Variants in UTP20 observed in about 807,000 individuals in gnomAD.
UTP20 encodes the protein UTP20 small subunit processome component.
A neutral mutation model predicts 329.5 loss-of-function variants in UTP20; 164 were observed. That is an observed-to-expected ratio of 0.50 (90% confidence interval 0.44 to 0.57). The LOEUF (loss-of-function observed/expected upper bound fraction) is 0.57. Among genes scored for constraint, UTP20 ranks in the 20% least tolerant of loss-of-function variants. UTP20 has a pLI of 0.00. For synonymous variants in UTP20, 1,151 were observed against 1,159.3 expected, an observed-to-expected ratio of 0.99 and a Z score of 0.14; for missense variants, 3,055 against 3,284.2, an observed-to-expected ratio of 0.93 and a Z score of 1.71.
At position 101,280,212 on chromosome 12, in the gene UTP20, C is replaced by T; in HGVS notation, c.-71C>T. Reference sequence around the variant, plus strand: ...GAGAGTATAGCCTGTGAGCCGCTTTCCCCTCCTTACTGTCGGTTGCATCCC... The same window carrying T: ...GAGAGTATAGCCTGTGAGCCGCTTTTCCCTCCTTACTGTCGGTTGCATCCC... On this transcript the variant is annotated 5_prime_UTR_variant, in exon 1 of 62. Coordinates refer to ENST00000261637, the MANE Select transcript of UTP20 (RefSeq NM_014503.3). The T allele has an allele frequency of 6.5e-7, 1 of 1,535,852 alleles. No individual in the cohort carries two copies. Among genetic ancestry groups the T allele is most frequent in the Non-Finnish European group, 8.8e-7 (1 of 1,133,294 alleles).
At chr12:101,345,827 A>T in intron 37 of UTP20, 133 bp downstream of exon 37, 1 of 801,362 alleles carries the variant, frequency 1.2e-6, no homozygotes, top group Non-Finnish European at 1.9e-6. Context: ...CTTTATGATC[A>T]TCATTGAAAT....
Position 101,280,306 on chromosome 12 carries a change from C to T in UTP20, c.24C>T (p.His8=), listed in dbSNP as rs1871751904. Reference sequence around the variant, plus strand: ...CCATGAAGACAAAGCCCGTTTCCCACAAGACCGAGAACACCTACCGGGTGA... The same window carrying T: ...CCATGAAGACAAAGCCCGTTTCCCATAAGACCGAGAACACCTACCGGGTGA... The part of the protein sequence containing the change: MKTKPVS[H]KTENTYRFLT... The change falls in exon 1 of 62, where the codon CAC becomes CAT. Residue 8 remains histidine, a synonymous_variant. Coordinates refer to ENST00000261637, the MANE Select transcript of UTP20 (RefSeq NM_014503.3). 6.4e-7 allele frequency: 1 copy of T among 1,551,768 alleles called. No individual in the cohort carries two copies. Among genetic ancestry groups the T allele is most frequent in the Non-Finnish European group, 8.7e-7 (1 of 1,146,996 alleles).
intron 27 of UTP20, among the ~76,000 whole-genome samples, chr12:101,332,305 C>T (rs1037663627): frequency 7.9e-5 from 12 of 152,024 alleles, no homozygotes; most frequent in African/African-American, 2.4e-4. Flanking sequence ...CCATTGCACT[C>T]CAACCTGGGC....
chr12:101,346,864 A>G (rs1869342702), intron 38 of UTP20, among the ~76,000 whole-genome samples: 5 of 152,258 alleles, frequency 3.3e-5, no homozygotes, highest in African/African-American at 1.2e-4. Context: ...GCATACTTTT[A>G]TTTTTGTGTC....
intron 56 of UTP20, among the ~76,000 whole-genome samples, chr12:101,378,640 AC>A: frequency 6.6e-6 from 1 of 151,754 alleles, no homozygotes; most frequent in East Asian, 1.9e-4. Flanking sequence ...GATTGCTTGA[AC>A]CCAGGAGGCA....
chr12:101,282,073 CG>C (rs1871816429), intron 2 of UTP20, among the ~76,000 whole-genome samples: 1 of 152,144 alleles, frequency 6.6e-6, no homozygotes, highest in Non-Finnish European at 1.5e-5. Context: ...TAAGGTCGTA[CG>C]TAACATGCCT....
chr12:101,308,262 T>C lies in UTP20; in HGVS notation c.2073T>C (p.Asp691=), dbSNP rs759097831. The C allele has an allele frequency of 1.2e-6, 2 of 1,613,116 alleles. No homozygotes were observed. Among genetic ancestry groups the C allele is most frequent in the Non-Finnish European group, 1.7e-6 (2 of 1,179,600 alleles). ...QAELVPATVN[D]YREKLLHLRK... ...AACTTGTTCCAGCAACTGTGAATGA[T>C]TATAGAGAGAAGCTTCTTCATTTGA... is the stretch of plus-strand genomic sequence containing the variant. The change falls in exon 18 of 62, where the codon GAT becomes GAC. Residue 691 remains aspartate (D), a synonymous_variant. Coordinates refer to ENST00000261637, the MANE Select transcript of UTP20 (RefSeq NM_014503.3).
At chr12:101,326,896 C>T in intron 25 of UTP20, 185 bp from the exon 26 acceptor site, 1 of 606,774 alleles carries the variant, frequency 1.6e-6, no homozygotes, top group Non-Finnish European at 2.7e-6. Flanking sequence ...GCTCTCTTAG[C>T]CTTATTTTGT....
chr12:101,302,438 C>A lies in UTP20; in HGVS notation c.1676-10C>A. 2 of 1,539,210 alleles carry A rather than the reference C, an allele frequency of 1.3e-6. No individual in the cohort carries two copies. Among genetic ancestry groups the A allele is most frequent in the Non-Finnish European group, 1.8e-6 (2 of 1,120,352 alleles). ...AAGTAATGTGGTTTCTCCTGTTTTTCTGCCCTTAGGAAACTTATTTGTTCT... is the reference window on the plus strand; with the variant it reads ...AAGTAATGTGGTTTCTCCTGTTTTTATGCCCTTAGGAAACTTATTTGTTCT... On this transcript the variant is annotated splice_polypyrimidine_tract_variant and intron_variant, in intron 14 of 61. Transcript: ENST00000261637.
At chr12:101,307,033 C>T (rs1458710774) in intron 17 of UTP20, among the ~76,000 whole-genome samples, 1 of 151,818 alleles carries the variant, frequency 6.6e-6, no homozygotes, top group Admixed American at 6.6e-5. Context: ...AAGAAATTAG[C>T]CAGGCGTGGT....
intron 26 of UTP20, among the ~76,000 whole-genome samples, chr12:101,328,226 A>G (rs1868633510): frequency 6.6e-6 from 1 of 152,192 alleles, no homozygotes; most frequent in Non-Finnish European, 1.5e-5. Context: ...ATGCCAAAAA[A>G]AGTTTCTGTT....
intron 56 of UTP20, among the ~76,000 whole-genome samples, chr12:101,378,125 G>T (rs1207489096): frequency 1.3e-5 from 2 of 152,196 alleles, no homozygotes; most frequent in Non-Finnish European, 2.9e-5. Context: ...AGAATTAAGA[G>T]TTTGAAGGTC....
chr12:101,370,900 G>A (rs10860717), intron 50 of UTP20, among the ~76,000 whole-genome samples, 158 bp from the exon 51 acceptor site: 1 of 151,972 alleles, frequency 6.6e-6, no homozygotes, highest in Middle Eastern at 3.2e-3. Flanking sequence ...TATGTTTAAG[G>A]GTTGTGTGTT....
At chr12:101,381,992 C>G (rs1241798149) in intron 58 of UTP20, among the ~76,000 whole-genome samples, 2 of 126,532 alleles carry the variant, frequency 1.6e-5, no homozygotes, top group Non-Finnish European at 3.1e-5. Flanking sequence ...GCACTCCAGC[C>G]TGGGCAACAG....
intron 11 of UTP20, among the ~76,000 whole-genome samples, chr12:101,294,838 C>T (rs1301192516): frequency 6.6e-6 from 1 of 152,228 alleles, no homozygotes; most frequent in African/African-American, 2.4e-5. Flanking sequence ...GCCACCACAC[C>T]TGGCCTCATT....
intron 25 of UTP20, among the ~76,000 whole-genome samples, chr12:101,324,951 A>G (rs1478420794): frequency 1.3e-5 from 2 of 152,212 alleles, no homozygotes; most frequent in African/African-American, 2.4e-5. Context: ...ATAACTAATT[A>G]TATATAAAAG....
rs150090423 is a variant in UTP20, at chr12:101,333,340, C to A, written c.3457C>A (p.Arg1153Ser). The change falls in exon 28 of 62, where the codon CGT becomes AGT. Residue 1153 changes from arginine (R) to serine (S), a missense_variant. Physicochemically the swap from Arg to Ser is moderately radical, Grantham distance 110. Transcript: ENST00000261637. ...TATTAATCCATTGAAAAATTTAAGACGTCTTGGAATCAAAATGGTAACTGA... is the reference window on the plus strand; with the variant it reads ...TATTAATCCATTGAAAAATTTAAGAAGTCTTGGAATCAAAATGGTAACTGA... ...RFINPLKNLR[R>S]LGIKMVTDIF... 3.7e-6 allele frequency: 6 copies of A among 1,613,672 alleles called. No homozygotes were observed. Among genetic ancestry groups the A allele is most frequent in the Non-Finnish European group, 5.1e-6 (6 of 1,179,842 alleles).
Position 101,381,198 on chromosome 12 carries a change from C to T in UTP20, c.7643C>T (p.Ser2548Phe). The T allele has an allele frequency of 6.2e-7, 1 of 1,613,476 alleles. No homozygotes were observed. The highest frequency in any genetic ancestry group is 1.1e-5 in the South Asian group (1 of 91,074). ...HQLHSKFLDQ[S>F]LGEQVVKNLL... ...TTGCATTCCAAATTCTTGGATCAGT[C>T]TCTAGGAGAACAGGTAAGAATTGTA... Residue 2548 changes from serine (S) to phenylalanine (F), a missense_variant, in exon 58 of 62, where the codon TCT becomes TTT. This residue lies in a region of UTP20 where 337 missense variants were observed against 345.5 expected (regional missense o/e 0.98). Coordinates refer to ENST00000261637, the MANE Select transcript of UTP20 (RefSeq NM_014503.3).
In UTP20 at chr12:101,383,674, C is replaced by T. The variant is rs1269575448; in HGVS notation, c.8056+5C>T. ...ACAGCACCTATTCAGAGCAAGGTAA[C>T]CCTGCCTCGTCTGTTCTCCTGCCTT... is the stretch of plus-strand genomic sequence containing the variant. On this transcript the variant is annotated splice_donor_5th_base_variant and intron_variant, in intron 60 of 61. Transcript: ENST00000261637. 1 of 1,587,712 alleles carries T rather than the reference C, an allele frequency of 6.3e-7. No individual in the cohort carries two copies. The highest frequency in any genetic ancestry group is 8.6e-7 in the Non-Finnish European group (1 of 1,164,760).
Sources: allele counts gnomAD v4.1 joint callset (sites outside exome capture counted in the v4.1 genomes callset), GRCh38; gene constraint gnomAD v4.1.1; regional missense constraint gnomAD v4.1.1; transcripts MANE v1.5; gene names NCBI Gene and HGNC (gene_info 2026-07-23, HGNC 2026-07-21).